The following ANKRD55 variants were observed in gnomAD, a reference collection of about 807,000 sequenced individuals.
The protein encoded by ANKRD55 is ankyrin repeat domain-containing protein 55.
In ANKRD55, 41 loss-of-function variants were observed where a neutral mutation model predicts 60.6. That is an observed-to-expected ratio of 0.68 (90% confidence interval 0.53 to 0.88). ANKRD55 has a LOEUF of 0.88. Among genes scored for constraint, ANKRD55 ranks in the 40% least tolerant of loss-of-function variants. ANKRD55 has a pLI of 0.00. For synonymous variants in ANKRD55, 264 were observed against 290.3 expected, an observed-to-expected ratio of 0.91 and a Z score of 0.92; for missense variants, 732 against 767.6, an observed-to-expected ratio of 0.95 and a Z score of 0.55.
chr5:56,189,271 A>T (rs375856293), intron 2 of ANKRD55, among the ~76,000 whole-genome samples: 89 of 150,102 alleles, frequency 5.9e-4, no homozygotes, highest in Admixed American at 1.5e-3. Context: ...ACATCGCGCC[A>T]CTGCACTCCA....
intron 10 of ANKRD55, among the ~76,000 whole-genome samples, chr5:56,107,492 T>C (rs968539099): frequency 4.6e-5 from 7 of 152,194 alleles, no homozygotes; most frequent in African/African-American, 7.2e-5. Flanking sequence ...TGTGTCAGAA[T>C]GTACTAACTC....
intron 10 of ANKRD55, among the ~76,000 whole-genome samples, chr5:56,103,598 C>T (rs1423258177): frequency 6.6e-6 from 1 of 152,158 alleles, no homozygotes; most frequent in Non-Finnish European, 1.5e-5. Flanking sequence ...CCTCTCAACA[C>T]CTCAATTTTT....
At chr5:56,153,419 GA>G (rs1758104546) in intron 6 of ANKRD55, among the ~76,000 whole-genome samples, 1 of 152,188 alleles carries the variant, frequency 6.6e-6, no homozygotes, top group Non-Finnish European at 1.5e-5. Flanking sequence ...GCTTGTACAA[GA>G]AACACTCTTT....
At chr5:56,194,200 C>T (rs1759176153) in intron 2 of ANKRD55, among the ~76,000 whole-genome samples, 1 of 151,538 alleles carries the variant, frequency 6.6e-6, no homozygotes, top group Non-Finnish European at 1.5e-5. Context: ...CCTGTAGTCC[C>T]AGCTACTTGG....
At chr5:56,221,100 C>G (rs2111889218) in intron 2 of ANKRD55, among the ~76,000 whole-genome samples, 1 of 152,292 alleles carries the variant, frequency 6.6e-6, no homozygotes, top group South Asian at 2.1e-4. Context: ...CTCCAGGCTC[C>G]CATTCAAGAT....
At chr5:56,141,130 G>GTTTGT (rs1561266938) in intron 7 of ANKRD55, among the ~76,000 whole-genome samples, 6 of 111,774 alleles carry the variant, frequency 5.4e-5, no homozygotes, top group Admixed American at 1.1e-4. Flanking sequence ...TGCACACACA[G>GTTTGT]TTTTTTTTTT....
At chr5:56,205,988 T>C (rs78777345) in intron 2 of ANKRD55, among the ~76,000 whole-genome samples, 2 of 151,142 alleles carry the variant, frequency 1.3e-5, no homozygotes, top group Non-Finnish European at 2.9e-5. Flanking sequence ...TTTTTTTTTT[T>C]CCTGGAGACA....
At chr5:56,131,072 C>T (rs1349681828) in intron 7 of ANKRD55, among the ~76,000 whole-genome samples, 1 of 151,712 alleles carries the variant, frequency 6.6e-6, no homozygotes, top group Non-Finnish European at 1.5e-5. Flanking sequence ...ATATTTGAAA[C>T]AATAATAACA....
intron 5 of ANKRD55, among the ~76,000 whole-genome samples, chr5:56,166,199 T>TACCTTC (rs1554040821): frequency 1.0e-5 from 1 of 96,062 alleles, no homozygotes; most frequent in Non-Finnish European, 1.9e-5. Flanking sequence ...CCTTCCTTCC[T>TACCTTC]TCTCTCTCTC....
At chr5:56,120,918 A>AG in intron 8 of ANKRD55, among the ~76,000 whole-genome samples, 1 of 151,428 alleles carries the variant, frequency 6.6e-6, no homozygotes, top group Non-Finnish European at 1.5e-5. Context: ...AAAAAAAAAA[A>AG]AGATGGTGTG....
intron 2 of ANKRD55, among the ~76,000 whole-genome samples, chr5:56,200,056 TATAGAG>T (rs1759330345): frequency 6.6e-6 from 1 of 152,226 alleles, no homozygotes; most frequent in African/African-American, 2.4e-5. Context: ...TCAAAAAGTC[TATAGAG>T]ATAATCTCTT....
At chr5:56,233,041 G>T in intron 1 of ANKRD55, 95 bp from the exon 2 acceptor site, 1 of 802,246 alleles carries the variant, frequency 1.2e-6, no homozygotes, top group Non-Finnish European at 2.1e-6. Flanking sequence ...GATTAAATGT[G>T]CATCAGAGCT....
chr5:56,166,199 T>TTCCTTCCTTCCTTCTCTC lies in ANKRD55; in HGVS notation c.422+4494_422+4495insGAGAGAAGGAAGGAAGGA, dbSNP rs769664867. Among the ~76,000 whole-genome samples the TTCCTTCCTTCCTTCTCTC allele has an allele frequency of 3.0e-4, 29 of 96,112 alleles. No individual in the cohort carries two copies. In the East Asian group the frequency reaches 5.4e-3, roughly 18 times the overall value. 63.1% of individuals were successfully genotyped at this position (96,112 alleles called of 152,430 possible). On this transcript the variant is annotated intron_variant, in intron 5 of 11. Coordinates refer to ENST00000341048, the MANE Select transcript of ANKRD55 (RefSeq NM_024669.3). ...CTTCCTTCCTTCCTTCCTTCCTTCC[T>TTCCTTCCTTCCTTCTCTC]TCTCTCTCTCTCTCTCTCTTTCTTT...
chr5:56,151,937 A>G (rs200305576), intron 6 of ANKRD55, among the ~76,000 whole-genome samples: 21 of 148,668 alleles, frequency 1.4e-4, no homozygotes, highest in South Asian at 8.4e-4. Context: ...ATATGTATAT[A>G]TGTGTGTGTA....
At chr5:56,110,354 G>C (rs1453077923) in intron 10 of ANKRD55, among the ~76,000 whole-genome samples, 3 of 152,064 alleles carry the variant, frequency 2.0e-5, no homozygotes, top group East Asian at 1.9e-4. Flanking sequence ...AGCCATGATT[G>C]TGCCACTGCA....
intron 4 of ANKRD55, among the ~76,000 whole-genome samples, chr5:56,175,474 A>C (rs1283447315): frequency 1.3e-5 from 2 of 152,188 alleles, no homozygotes; most frequent in African/African-American, 4.8e-5. Context: ...GGACCTCCCA[A>C]AAGGATTGCA....
intron 10 of ANKRD55, among the ~76,000 whole-genome samples, 192 bp from the exon 11 acceptor site, chr5:56,102,778 A>G (rs758470974): frequency 6.6e-6 from 1 of 152,248 alleles, no homozygotes; most frequent in African/African-American, 2.4e-5. Flanking sequence ...AAATGATAGA[A>G]AAAGGTACTA....
At chr5:56,173,074 C>A (rs1758645202) in intron 4 of ANKRD55, among the ~76,000 whole-genome samples, 1 of 152,176 alleles carries the variant, frequency 6.6e-6, no homozygotes. Context: ...CGACTAGTGC[C>A]AATGAACTTT....
chr5:56,181,236 CT>C (rs1758843297), intron 3 of ANKRD55, among the ~76,000 whole-genome samples: 1 of 152,134 alleles, frequency 6.6e-6, no homozygotes, highest in South Asian at 2.1e-4. Context: ...TCATATTAAA[CT>C]ATGCTGAATT....
Sources: allele counts gnomAD v4.1 joint callset (sites outside exome capture counted in the v4.1 genomes callset), GRCh38; gene constraint gnomAD v4.1.1; transcripts MANE v1.5; gene names NCBI Gene and HGNC (gene_info 2026-07-23, HGNC 2026-07-21).